Variants in ITGBL1 observed in about 807,000 individuals in gnomAD.
ITGBL1 encodes the protein integrin subunit beta like 1.
A neutral mutation model predicts 68.5 loss-of-function variants in ITGBL1; 51 were observed. That is an observed-to-expected ratio of 0.74 (90% CI 0.59 to 0.94). The LOEUF is 0.94. Ranked by LOEUF, ITGBL1 falls within the 40% of genes least tolerant of loss-of-function variation. ITGBL1 has a pLI of 0.00. For synonymous variants in ITGBL1, 209 were observed against 227.3 expected (o/e 0.92, Z 0.72); for missense variants, 649 against 647.4 (o/e 1.00, Z -0.03).
intron 2 of ITGBL1, among the ~76,000 whole-genome samples, chr13:101,481,059 TAC>T (rs1161675605): frequency 1.6e-4 from 13 of 80,154 alleles, no homozygotes; most frequent in South Asian, 5.2e-4. Flanking sequence ...TGTAACTATA[TAC>T]ACACACATAC....
chr13:101,619,308 T>C (rs2031493062), intron 7 of ITGBL1, among the ~76,000 whole-genome samples: 2 of 152,018 alleles, frequency 1.3e-5, no homozygotes. Flanking sequence ...ATCAAAAGAT[T>C]ATACTAGATC....
At chr13:101,627,124 G>T (rs960530962) in intron 7 of ITGBL1, among the ~76,000 whole-genome samples, 1 of 152,076 alleles carries the variant, frequency 6.6e-6, no homozygotes, top group Non-Finnish European at 1.5e-5. Flanking sequence ...TCTGTAACAG[G>T]TTTCATGTTT....
chr13:101,532,031 G>C (rs1023545766), intron 2 of ITGBL1, among the ~76,000 whole-genome samples: 36 of 152,012 alleles, frequency 2.4e-4, no homozygotes, highest in Non-Finnish European at 5.3e-4. Context: ...ACCGCGCCCG[G>C]CCAGTTTTAT....
intron 8 of ITGBL1, among the ~76,000 whole-genome samples, chr13:101,700,009 A>T (rs1470340205): frequency 6.6e-6 from 1 of 152,162 alleles, no homozygotes; most frequent in East Asian, 1.9e-4. Context: ...CTAACTCTAA[A>T]TATTGGGGTC....
chr13:101,643,171 T>G (rs1342117359), intron 7 of ITGBL1, among the ~76,000 whole-genome samples: 6 of 151,716 alleles, frequency 4.0e-5, no homozygotes, highest in Non-Finnish European at 7.4e-5. Context: ...GCCATTTTCA[T>G]GATATTGATT....
intron 2 of ITGBL1, among the ~76,000 whole-genome samples, chr13:101,540,717 T>C (rs2049681486): frequency 6.6e-6 from 1 of 152,158 alleles, no homozygotes; most frequent in Non-Finnish European, 1.5e-5. Context: ...GTTTGTATGC[T>C]CTTTTATTTC....
chr13:101,509,700 C>T (rs996945456), intron 2 of ITGBL1, among the ~76,000 whole-genome samples: 2 of 152,102 alleles, frequency 1.3e-5, no homozygotes, highest in African/African-American at 2.4e-5. Context: ...TAGTGATGCA[C>T]AAAGCCAGTC....
At chr13:101,540,823 A>G (rs2049683422) in intron 2 of ITGBL1, among the ~76,000 whole-genome samples, 1 of 146,602 alleles carries the variant, frequency 6.8e-6, no homozygotes, top group Non-Finnish European at 1.5e-5. Flanking sequence ...GCAATTGTGA[A>G]TGGGAGTTCA....
At chr13:101,601,512 T>C (rs991163509) in intron 7 of ITGBL1, among the ~76,000 whole-genome samples, 2 of 152,212 alleles carry the variant, frequency 1.3e-5, no homozygotes, top group African/African-American at 4.8e-5. Context: ...TCTCTAGTTC[T>C]TTTAATTGTG....
At chr13:101,603,867 A>G (rs1206429869) in intron 7 of ITGBL1, among the ~76,000 whole-genome samples, 3 of 151,926 alleles carry the variant, frequency 2.0e-5, no homozygotes, top group South Asian at 2.1e-4. Context: ...AGTGATTTTT[A>G]CTGTTATCTT....
intron 7 of ITGBL1, among the ~76,000 whole-genome samples, chr13:101,604,887 T>TATATATATATATATATATACACACAC: frequency 4.5e-5 from 1 of 22,164 alleles, no homozygotes; most frequent in African/African-American, 1.5e-4. Flanking sequence ...TATATATATA[T>TATATATATATATATATATACACACAC]ACACACACAC....
intron 2 of ITGBL1, among the ~76,000 whole-genome samples, chr13:101,542,567 T>C (rs979791789): frequency 2.2e-4 from 34 of 152,188 alleles, no homozygotes; most frequent in Non-Finnish European, 3.2e-4. Context: ...AGATGTCTAT[T>C]AGGTCTGTTT....
chr13:101,460,096 T>C lies in ITGBL1; in HGVS notation c.316+5996T>C, dbSNP rs544071979. Among the ~76,000 whole-genome samples the C allele has an allele frequency of 2.0e-5, 3 of 152,224 alleles. No homozygotes were observed. The East Asian group carries it at 5.8e-4, about 30-fold the overall frequency. On this transcript the variant is annotated intron_variant, in intron 2 of 10. Coordinates refer to ENST00000376180, the MANE Select transcript of ITGBL1 (RefSeq NM_004791.3). ...CAGGCTTTTTCTTTACTAGTCTTTT[T>C]CTATTTTTCATCTTCTCTCCCTTCC...
At chr13:101,720,481 C>T (rs749814694), downstream of ITGBL1, 2 of 151,390 alleles carry the variant, frequency 1.3e-5, no homozygotes, top group Non-Finnish European at 2.9e-5. Context: ...GAAAAAGAAA[C>T]CAGCAAGTAG....
chr13:101,551,964 G>A (rs1384028442), intron 2 of ITGBL1, among the ~76,000 whole-genome samples: 1 of 152,120 alleles, frequency 6.6e-6, no homozygotes, highest in Non-Finnish European at 1.5e-5. Context: ...TGGGGGTGGT[G>A]AGTTTTGAAC....
intron 7 of ITGBL1, among the ~76,000 whole-genome samples, chr13:101,635,680 G>T (rs368933134): frequency 2.0e-5 from 3 of 152,052 alleles, no homozygotes; most frequent in African/African-American, 7.2e-5. Flanking sequence ...TAAATGTGCA[G>T]CTCTTTGTGT....
rs1359231611 is a variant in ITGBL1, at chr13:101,583,354, C to G, written c.866C>G (p.Ser289Ter). The change falls in exon 6 of 11, where the codon TCA (serine) becomes TGA (stop). Residue 289 changes from serine to a stop codon, truncating the protein, a stop_gained and splice_region_variant. Transcript: ENST00000376180. LOFTEE classifies it high-confidence loss of function. The part of the protein sequence containing the change: ...VYDRYSDDFC[S>*]GHGQCNCGRC... ...GACCGATATTCTGATGACTTCTGTTCAGGTAAGGGCTCTTCCAATTCCTGT... is the reference window on the plus strand; with the variant it reads ...GACCGATATTCTGATGACTTCTGTTGAGGTAAGGGCTCTTCCAATTCCTGT... The G allele has an allele frequency of 6.6e-7, 1 of 1,516,600 alleles. No individual in the cohort carries two copies. Among genetic ancestry groups the G allele is most frequent in the Non-Finnish European group, 8.8e-7 (1 of 1,131,590 alleles). The allele number at this position is 1,516,600 out of a possible 1,614,324, so 93.9% of individuals were successfully genotyped here. A position where few individuals can be genotyped will look rare whatever the true frequency, so the allele number is the denominator to read the frequency against.
At chr13:101,702,745 C>G (rs2034164751) in intron 8 of ITGBL1, among the ~76,000 whole-genome samples, 1 of 152,120 alleles carries the variant, frequency 6.6e-6, no homozygotes, top group Admixed American at 6.6e-5. Flanking sequence ...GTACTAGAAG[C>G]TCTCTTTCTC....
At chr13:101,665,050 C>A (rs1414144592) in intron 7 of ITGBL1, among the ~76,000 whole-genome samples, 1 of 152,150 alleles carries the variant, frequency 6.6e-6, no homozygotes, top group African/African-American at 2.4e-5. Context: ...TTCTTAAATA[C>A]TATAGCTTTA....
Sources: gnomAD v4.1 joint callset for allele counts (sites outside exome capture counted in the v4.1 genomes callset) on GRCh38, gnomAD v4.1.1 for gene constraint, MANE v1.5 for transcripts, NCBI Gene and HGNC (gene_info 2026-07-23, HGNC 2026-07-21) for gene names.